Variants in DMD observed in about 807,000 individuals in gnomAD.
DMD encodes dystrophin.
A neutral mutation model predicts 330.1 loss-of-function variants in DMD; 63 were observed. The observed-to-expected ratio is 0.19, with a 90% CI of 0.16 to 0.24. The LOEUF (loss-of-function observed/expected upper bound fraction) is 0.24, where lower values mean the gene tolerates loss of function less well. Ranked by LOEUF, DMD falls within the 10% of genes least tolerant of loss-of-function variation. DMD has a pLI of 1.00. For synonymous variants in DMD, 1,223 were observed against 959.8 expected, an observed-to-expected ratio of 1.27 and a Z score of -5.07; for missense variants, 3,344 against 2,684.1, an observed-to-expected ratio of 1.25 and a Z score of -5.43.
intron 44 of DMD, among the ~76,000 whole-genome samples, chrX:32,081,083 C>T (rs2096388130): frequency 8.9e-6 from 1 of 112,006 alleles, no homozygotes; most frequent in Non-Finnish European, 1.9e-5. Context: ...AGGCAATATT[C>T]CACCCACCTC....
chrX:31,570,981 T>A (rs1243611068), intron 55 of DMD, among the ~76,000 whole-genome samples: 1 of 112,096 alleles, frequency 8.9e-6, no homozygotes, highest in Non-Finnish European at 1.9e-5. Context: ...TGTTTTTCTC[T>A]TAAGTTTCTC....
chrX:31,579,501 A>ACAGCGAACAG (rs2076249710), intron 55 of DMD, among the ~76,000 whole-genome samples: 4 of 112,305 alleles, frequency 3.6e-5, no homozygotes, highest in African/African-American at 1.3e-4. Flanking sequence ...GTTTCCCAAA[A>ACAGCGAACAG]TGTGGTTTGC....
chrX:31,622,162 T>A (rs1234701524), intron 55 of DMD, among the ~76,000 whole-genome samples: 1 of 111,836 alleles, frequency 8.9e-6, no homozygotes, highest in Non-Finnish European at 1.9e-5. Context: ...GTAATTCTCA[T>A]AATGCTATTA....
At chrX:31,493,637 G>A (rs1396909613) in intron 57 of DMD, among the ~76,000 whole-genome samples, 1 of 111,675 alleles carries the variant, frequency 9.0e-6, no homozygotes, top group Non-Finnish European at 1.9e-5. Flanking sequence ...GCCAGATAGT[G>A]CCTTGTCACC....
At chrX:31,561,445 T>C (rs2147854554) in intron 55 of DMD, among the ~76,000 whole-genome samples, 1 of 112,043 alleles carries the variant, frequency 8.9e-6, no homozygotes, top group South Asian at 3.7e-4. Context: ...GAAAATCTGC[T>C]GTGCCTTAAG....
intron 44 of DMD, among the ~76,000 whole-genome samples, chrX:31,983,939 T>C (rs2095493276): frequency 9.0e-6 from 1 of 111,544 alleles, no homozygotes; most frequent in East Asian, 2.8e-4. Flanking sequence ...CCCCAGATTG[T>C]TATCACATTT....
intron 49 of DMD, among the ~76,000 whole-genome samples, chrX:31,827,655 C>A (rs2092921636): frequency 9.0e-6 from 1 of 111,731 alleles, no homozygotes; most frequent in Admixed American, 9.5e-5. Context: ...TTCTCCAAGA[C>A]AGGTCATACA....
chrX:32,277,240 C>CA (rs2097393767), intron 43 of DMD, among the ~76,000 whole-genome samples: 1 of 111,528 alleles, frequency 9.0e-6, no homozygotes, highest in Non-Finnish European at 1.9e-5. Context: ...CAGGATATAA[C>CA]AATTATATAT....
intron 2 of DMD, among the ~76,000 whole-genome samples, chrX:32,977,321 A>G (rs2092581980): frequency 9.0e-6 from 1 of 111,130 alleles, no homozygotes; most frequent in Admixed American, 9.7e-5. Context: ...AAAAAGAAAT[A>G]ATGTATACAT....
At chrX:32,652,280 T>G (rs1602546327) in intron 9 of DMD, among the ~76,000 whole-genome samples, 1 of 54,580 alleles carries the variant, frequency 1.8e-5, no homozygotes, top group Admixed American at 2.7e-4. Context: ...ATACTATCCC[T>G]CCCCCCTCCC....
intron 9 of DMD, among the ~76,000 whole-genome samples, chrX:32,666,626 C>T (rs947678394): frequency 3.6e-5 from 4 of 110,114 alleles, no homozygotes; most frequent in South Asian, 3.9e-4. Context: ...GTCAGGAGTT[C>T]GAGACCAGCA....
chrX:31,238,107 C>T (rs971144502), intron 63 of DMD, among the ~76,000 whole-genome samples: 2 of 111,779 alleles, frequency 1.8e-5, no homozygotes, highest in Non-Finnish European at 3.8e-5. Flanking sequence ...AGATTCAATC[C>T]AAGAATCGGG....
chrX:32,429,454 G>A (rs1391994580), intron 29 of DMD, among the ~76,000 whole-genome samples: 2 of 89,484 alleles, frequency 2.2e-5, no homozygotes, highest in Admixed American at 1.4e-4. Flanking sequence ...TGGCAGCCTG[G>A]TCTGCCTGCC....
At chrX:32,293,866 T>G (rs775457815) in intron 42 of DMD, among the ~76,000 whole-genome samples, 1 of 111,849 alleles carries the variant, frequency 8.9e-6, no homozygotes, top group East Asian at 2.8e-4. Context: ...ACAATGGATG[T>G]AATACCTGTT....
At chrX:31,399,673 A>G (rs1363782073) in intron 60 of DMD, among the ~76,000 whole-genome samples, 1 of 111,347 alleles carries the variant, frequency 9.0e-6, no homozygotes, top group Non-Finnish European at 1.9e-5. Flanking sequence ...TAGCTATAGA[A>G]GATTTTTTTA....
In DMD at chrX:32,287,581, G is replaced by C. The variant is rs1340785309; in HGVS notation, c.6238C>G (p.Gln2080Glu). 1 of 1,211,053 alleles carries C rather than the reference G, an allele frequency of 8.3e-7. No homozygotes were observed. Among genetic ancestry groups the C allele is most frequent in the African/African-American group, 1.7e-5 (1 of 57,728 alleles). ...ERVKLQEALS[Q>E]LDFQWEKVNK... is the part of the protein sequence containing the mutation. Reference sequence around the variant, plus strand: ...ACTTTTTCCCATTGGAAATCAAGCTGGGAGAGAGCTTCCTGTAGCTTCACC... The same window carrying C: ...ACTTTTTCCCATTGGAAATCAAGCTCGGAGAGAGCTTCCTGTAGCTTCACC... The change falls in exon 43 of 79, where the codon CAG (glutamine) becomes GAG (glutamate). Residue 2080 changes from glutamine (Q) to glutamate (E), a missense_variant. Coordinates refer to ENST00000357033, the MANE Select transcript of DMD (RefSeq NM_004006.3).
At chrX:32,130,103 A>C (rs1407966821) in intron 44 of DMD, among the ~76,000 whole-genome samples, 3 of 107,402 alleles carry the variant, frequency 2.8e-5, no homozygotes, top group Non-Finnish European at 5.7e-5. Context: ...GGACGTCTTT[A>C]CCAATGTAAT....
At chrX:32,279,735 A>G (rs1454630325) in intron 43 of DMD, among the ~76,000 whole-genome samples, 3 of 109,378 alleles carry the variant, frequency 2.7e-5, no homozygotes, top group Non-Finnish European at 5.7e-5. Flanking sequence ...GAAAGAATGA[A>G]CACCACCTAC....
At chrX:32,644,808 A>C (rs1028512468) in intron 10 of DMD, among the ~76,000 whole-genome samples, 156 bp downstream of exon 10, 2 of 111,942 alleles carry the variant, frequency 1.8e-5, no homozygotes, top group African/African-American at 6.5e-5. Flanking sequence ...TGCTCTCCAA[A>C]AGAAAACTTC....
Sources: gnomAD v4.1 joint callset for allele counts (sites outside exome capture counted in the v4.1 genomes callset) on GRCh38, gnomAD v4.1.1 for gene constraint, MANE v1.5 for transcripts, NCBI Gene and HGNC (gene_info 2026-07-23, HGNC 2026-07-21) for gene names.